Variants in SLC25A17 observed in about 807,000 individuals in gnomAD.
SLC25A17 encodes the protein solute carrier family 25 member 17.
SLC25A17 carries 26 observed loss-of-function variants against 38.5 expected under a neutral mutation model. The ratio of observed to expected loss-of-function variants is 0.68; its 90% CI spans 0.50 to 0.94. The LOEUF (loss-of-function observed/expected upper bound fraction) is 0.94, where lower values mean the gene tolerates loss of function less well. SLC25A17 is among the 40% of genes least tolerant of loss of function. The probability of loss-of-function intolerance (pLI) is 0.00; values close to 1 mark genes in which losing one functional copy is unlikely to be tolerated. For synonymous variants in SLC25A17, 139 were observed against 136.2 expected, an observed-to-expected ratio of 1.02 and a Z score of -0.14; for missense variants, 333 against 372.7, an observed-to-expected ratio of 0.89 and a Z score of 0.88.
At chr22:40,773,129 G>A (rs1483520692) in intron 8 of SLC25A17, among the ~76,000 whole-genome samples, 1 of 152,080 alleles carries the variant, frequency 6.6e-6, no homozygotes, top group Non-Finnish European at 1.5e-5. Flanking sequence ...GATTGACAAG[G>A]CTGGGCGCGG....
intron 1 of SLC25A17, among the ~76,000 whole-genome samples, chr22:40,812,568 G>C (rs1158651837): frequency 3.3e-5 from 5 of 152,098 alleles, no homozygotes; most frequent in Non-Finnish European, 7.4e-5. Context: ...ATCCTAGCAG[G>C]GTGAAAACTA....
chr22:40,814,608 T>C (rs1264042832), intron 1 of SLC25A17, among the ~76,000 whole-genome samples: 1 of 152,052 alleles, frequency 6.6e-6, no homozygotes, highest in Non-Finnish European at 1.5e-5. Flanking sequence ...TCTGACATTG[T>C]GAAAAGACAC....
chr22:40,815,915 A>G (rs942902740), intron 1 of SLC25A17, among the ~76,000 whole-genome samples: 2 of 152,198 alleles, frequency 1.3e-5, no homozygotes, highest in Non-Finnish European at 2.9e-5. Flanking sequence ...GGCCAGGCGC[A>G]GTGGCTCACG....
chr22:40,771,043 A>G (rs1877007620), intron 8 of SLC25A17, 62 bp from the exon 9 acceptor site: 12 of 1,373,662 alleles, frequency 8.7e-6, no homozygotes, highest in East Asian at 4.8e-5. Flanking sequence ...CATGCTACCT[A>G]GATAGCTACT....
chr22:40,796,704 A>G (rs995616104), intron 2 of SLC25A17, among the ~76,000 whole-genome samples: 6 of 152,142 alleles, frequency 3.9e-5, no homozygotes, highest in Non-Finnish European at 8.8e-5. Flanking sequence ...TATATCTGGG[A>G]ATTTATCCCA....
intron 1 of SLC25A17, among the ~76,000 whole-genome samples, chr22:40,806,933 A>G (rs2057535578): frequency 6.6e-6 from 1 of 152,118 alleles, no homozygotes; most frequent in Non-Finnish European, 1.5e-5. Flanking sequence ...TGTATACTAC[A>G]GCCTTGAACT....
At chr22:40,814,632 C>T (rs938041968) in intron 1 of SLC25A17, among the ~76,000 whole-genome samples, 1 of 151,780 alleles carries the variant, frequency 6.6e-6, no homozygotes, top group South Asian at 2.1e-4. Context: ...TGTGTGTGTA[C>T]CTGGTTATCC....
At position 40,819,310 on chromosome 22, in the gene SLC25A17, AG is replaced by A; in HGVS notation, c.-63del. The A allele has an allele frequency of 6.4e-7, 1 of 1,564,080 alleles. No homozygotes were observed. Among genetic ancestry groups the A allele is most frequent in the Non-Finnish European group, 8.7e-7 (1 of 1,143,392 alleles). On this transcript the variant is annotated 5_prime_UTR_variant, in exon 1 of 9. Transcript: ENST00000435456. ...CACAGATGCCGCAGCCAGTGGAGTT[AG>A]GAAAGGAGCACCGGAGCTCAGGGTG...
intron 4 of SLC25A17, among the ~76,000 whole-genome samples, chr22:40,780,987 G>A (rs1264480688): frequency 6.6e-6 from 1 of 151,954 alleles, no homozygotes; most frequent in Non-Finnish European, 1.5e-5. Flanking sequence ...CTGGGCAAAA[G>A]AGGGAGACTC....
At chr22:40,788,188 T>C (rs752739534) in intron 4 of SLC25A17, among the ~76,000 whole-genome samples, 122 of 152,372 alleles carry the variant, frequency 8.0e-4, no homozygotes, top group Non-Finnish European at 1.0e-3. Context: ...CCCATACTTA[T>C]ACGCATGTAA....
At chr22:40,772,077 G>A (rs1292799360) in intron 8 of SLC25A17, among the ~76,000 whole-genome samples, 1 of 151,236 alleles carries the variant, frequency 6.6e-6, no homozygotes, top group Non-Finnish European at 1.5e-5. Flanking sequence ...GTAGACATAT[G>A]CCTTCATTTC....
intron 1 of SLC25A17, chr22:40,817,512 A>G (rs9623242): frequency 0.05 from 7,599 of 152,382 alleles, 620 homozygotes; most frequent in African/African-American, 0.17. Flanking sequence ...CATTTCCCCC[A>G]AAACCTTCTC....
At chr22:40,818,300 A>C (rs1350517201) in intron 1 of SLC25A17, among the ~76,000 whole-genome samples, 1 of 152,218 alleles carries the variant, frequency 6.6e-6, no homozygotes, top group Non-Finnish European at 1.5e-5. Flanking sequence ...GGAAAGTTTT[A>C]AGGAAAAGAG....
At chr22:40,816,753 G>T (rs2145717244) in intron 1 of SLC25A17, among the ~76,000 whole-genome samples, 1 of 152,148 alleles carries the variant, frequency 6.6e-6, no homozygotes, top group Admixed American at 6.5e-5. Flanking sequence ...TGGGATTACA[G>T]GCGCCCACCA....
At chr22:40,774,073 C>G in intron 7 of SLC25A17, 54 bp from the exon 8 acceptor site, 1 of 1,062,114 alleles carries the variant, frequency 9.4e-7, no homozygotes, top group South Asian at 1.3e-5. Flanking sequence ...TTAAAATCTT[C>G]ATTTTTACCT....
At chr22:40,785,968 C>T (rs978324802) in intron 4 of SLC25A17, among the ~76,000 whole-genome samples, 3 of 152,118 alleles carry the variant, frequency 2.0e-5, no homozygotes, top group African/African-American at 7.2e-5. Flanking sequence ...ACACTGGCTG[C>T]TGTGCTGAAT....
chr22:40,803,057 C>T lies in SLC25A17; in HGVS notation c.55-3974G>A, dbSNP rs970549693. On this transcript the variant is annotated intron_variant, in intron 1 of 8. Coordinates refer to ENST00000435456, the MANE Select transcript of SLC25A17 (RefSeq NM_006358.4). ...CTTCTCTTCTAGCTATCCTGAAATA[C>T]GCACGACATTGTTATTTGCTATCGT... Among the ~76,000 whole-genome samples, 4 of 152,268 alleles carry T rather than the reference C, an allele frequency of 2.6e-5. No homozygotes were observed. The East Asian group carries it at 7.7e-4, about 29-fold the overall frequency.
chr22:40,799,138 C>T (rs1441072639), intron 1 of SLC25A17, 55 bp from the exon 2 acceptor site: 3 of 1,127,950 alleles, frequency 2.7e-6, no homozygotes, highest in Admixed American at 2.2e-5. Context: ...TAAGTCACAA[C>T]TTTTTTTTTT....
At chr22:40,797,482 T>C (rs1056466193) in intron 2 of SLC25A17, 4 of 405,766 alleles carry the variant, frequency 9.9e-6, no homozygotes, top group African/African-American at 8.4e-5. Flanking sequence ...TTTGACACCA[T>C]CTAACTCCCT....
Sources: gnomAD v4.1 joint callset for allele counts (sites outside exome capture counted in the v4.1 genomes callset) on GRCh38, gnomAD v4.1.1 for gene constraint, MANE v1.5 for transcripts, NCBI Gene and HGNC (gene_info 2026-07-23, HGNC 2026-07-21) for gene names.